Variants in ZNF154 observed in about 807,000 individuals in gnomAD.
ZNF154 encodes the protein zinc finger protein 154, also known as zinc finger protein 154 (pHZ-92).
ZNF154 carries 6 observed loss-of-function variants against 7.5 expected under a neutral mutation model. That is an observed-to-expected ratio of 0.80 (90% CI 0.44 to 1.57). The LOEUF (loss-of-function observed/expected upper bound fraction) is 1.57, where lower values mean the gene tolerates loss of function less well. Ranked by LOEUF, ZNF154 falls within the 40% of genes most tolerant of loss-of-function variation. The pLI is 0.01. For missense variants in ZNF154, 485 were observed against 531.4 expected (o/e 0.91, Z 0.86); for synonymous variants, 187 against 185.9 (o/e 1.01, Z -0.05).
chr19:57,706,969 C>T (rs920269659), intron 1 of ZNF154, among the ~76,000 whole-genome samples: 1 of 152,088 alleles, frequency 6.6e-6, no homozygotes, highest in Admixed American at 6.6e-5. Flanking sequence ...CAAAATTAGC[C>T]GGGCGTGGTG....
chr19:57,708,337 G>A (rs1358630841), intron 1 of ZNF154, among the ~76,000 whole-genome samples: 1 of 152,198 alleles, frequency 6.6e-6, no homozygotes, highest in Non-Finnish European at 1.5e-5. Flanking sequence ...GGAGGCCGAG[G>A]CAGGAGGATC....
In ZNF154 at chr19:57,697,058, GTTGT is replaced by G. The variant is rs1264058188; in HGVS notation, c.*4573_*4576del. Among the ~76,000 whole-genome samples the G allele has an allele frequency of 6.6e-6, 1 of 152,196 alleles. No individual in the cohort carries two copies. Among genetic ancestry groups the G allele is most frequent in the African/African-American group, 2.4e-5 (1 of 41,442 alleles). On this transcript the variant is annotated 3_prime_UTR_variant, in exon 3 of 3. Coordinates refer to ENST00000684351, the MANE Select transcript of ZNF154 (RefSeq NM_001085384.3). ...TCAAATTCGTATTTGAGGACTTGTT[GTTGT>G]TTATCTTGAAAACGTGTGTAATGGG...
In ZNF154 at chr19:57,701,533, T is replaced by G; in HGVS notation, c.*102A>C. ...CCCTTGTGAACTGTGTGGCACTCAATGAGATATGGCCTTCAGCTGAAGCTT... is the reference window on the plus strand; with the variant it reads ...CCCTTGTGAACTGTGTGGCACTCAAGGAGATATGGCCTTCAGCTGAAGCTT... On this transcript the variant is annotated 3_prime_UTR_variant, in exon 3 of 3. Coordinates refer to ENST00000684351, the MANE Select transcript of ZNF154 (RefSeq NM_001085384.3). The G allele has an allele frequency of 2.5e-4, 310 of 1,264,142 alleles. No homozygotes were observed. Among genetic ancestry groups the G allele is most frequent in the Non-Finnish European group, 2.9e-4 (265 of 917,030 alleles). 78.3% of individuals were successfully genotyped at this position (1,264,142 alleles called of 1,614,324 possible).
rs1418005512 is a variant in ZNF154 at position 57,697,687 on chromosome 19, T to C, written c.*3948A>G. On this transcript the variant is annotated 3_prime_UTR_variant, in exon 3 of 3. Coordinates refer to ENST00000684351, the MANE Select transcript of ZNF154 (RefSeq NM_001085384.3). ...ATAATATGATATCCGGGAGTATAAGTAAAATAACGCACTAGTACACATGAG... is the reference window on the plus strand; with the variant it reads ...ATAATATGATATCCGGGAGTATAAGCAAAATAACGCACTAGTACACATGAG... The C allele has an allele frequency of 2.0e-5, 3 of 151,810 alleles. No individual in the cohort carries two copies. Among genetic ancestry groups the C allele is most frequent in the African/African-American group, 7.3e-5 (3 of 41,286 alleles). 9.4% of individuals were successfully genotyped at this position (151,810 alleles called of 1,614,324 possible). A position where few individuals can be genotyped will look rare whatever the true frequency, so the allele number is the denominator to read the frequency against.
chr19:57,701,453 T>G lies in ZNF154; in HGVS notation c.*182A>C. 1.5e-6 allele frequency: 1 copy of G among 651,336 alleles called. No individual in the cohort carries two copies. Among genetic ancestry groups the G allele is most frequent in the Non-Finnish European group, 2.6e-6 (1 of 386,540 alleles). 40.3% of individuals were successfully genotyped at this position (651,336 alleles called of 1,614,324 possible). A position where few individuals can be genotyped will look rare whatever the true frequency, so the allele number is the denominator to read the frequency against. ...AGGCTGATGCCACCCTCATAAGGGATCTCCTTCAGAGCTGTTATATCAACT... is the reference window on the plus strand; with the variant it reads ...AGGCTGATGCCACCCTCATAAGGGAGCTCCTTCAGAGCTGTTATATCAACT... On this transcript the variant is annotated 3_prime_UTR_variant, in exon 3 of 3. Coordinates refer to ENST00000684351, the MANE Select transcript of ZNF154 (RefSeq NM_001085384.3).
chr19:57,704,771 T>G, intron 2 of ZNF154, 82 bp downstream of exon 2: 44 of 1,524,708 alleles, frequency 2.9e-5, no homozygotes, highest in Non-Finnish European at 3.4e-5. Flanking sequence ...AGTCTTGTCA[T>G]GAGAAGGACA....
In ZNF154 at chr19:57,700,946, T is replaced by C. The variant is rs954300237; in HGVS notation, c.*689A>G. Reference sequence around the variant, plus strand: ...CTGTTTTCAAACCAACCCATACATATAGAACCCCCAAGATTAATAAGGCCT... The same window carrying C: ...CTGTTTTCAAACCAACCCATACATACAGAACCCCCAAGATTAATAAGGCCT... On this transcript the variant is annotated 3_prime_UTR_variant, in exon 3 of 3. Coordinates refer to ENST00000684351, the MANE Select transcript of ZNF154 (RefSeq NM_001085384.3). 3 of 152,388 alleles carry C rather than the reference T, an allele frequency of 2.0e-5. No homozygotes were observed. Among genetic ancestry groups the C allele is most frequent in the Non-Finnish European group, 2.9e-5 (2 of 68,226 alleles). The allele number at this position is 152,388 out of a possible 1,614,324, so 9.4% of individuals were successfully genotyped here.
chr19:57,699,393 T>C lies in ZNF154; in HGVS notation c.*2242A>G. 1 of 243,484 alleles carries C rather than the reference T, an allele frequency of 4.1e-6. No individual in the cohort carries two copies. Among genetic ancestry groups the C allele is most frequent in the Admixed American group, 4.1e-5 (1 of 24,598 alleles). 15.1% of individuals were successfully genotyped at this position (243,484 alleles called of 1,614,324 possible). ...GAGCCACCGCACCCGGCTGAGATTTTCTTACTTGAGTTCCCAATGGGTCGT... is the reference window on the plus strand; with the variant it reads ...GAGCCACCGCACCCGGCTGAGATTTCCTTACTTGAGTTCCCAATGGGTCGT... On this transcript the variant is annotated 3_prime_UTR_variant, in exon 3 of 3. Transcript: ENST00000684351.
chr19:57,705,300 C>T (rs1334968217), intron 1 of ZNF154, among the ~76,000 whole-genome samples: 1 of 152,206 alleles, frequency 6.6e-6, no homozygotes, highest in Non-Finnish European at 1.5e-5. Flanking sequence ...ACCACAGCCC[C>T]AAGCCCAGGG....
At position 57,704,857 on chromosome 19, in the gene ZNF154, A is replaced by G; in HGVS notation, c.156T>C (p.Ser52=). 1 of 1,612,302 alleles carries G rather than the reference A, an allele frequency of 6.2e-7. No homozygotes were observed. ...GAAAGGGTAAAAGAACCTTACCTAG[A>G]GAGGTTAAAAGAGCCAAGTTCTCCA... ...VMLENLALLT[S]LDVHHQKQHL... is the part of the protein sequence containing the mutation. Residue 52 remains serine (S), a synonymous_variant, in exon 2 of 3, where the codon TCT becomes TCC. Coordinates refer to ENST00000684351, the MANE Select transcript of ZNF154 (RefSeq NM_001085384.3).
intron 1 of ZNF154, among the ~76,000 whole-genome samples, 185 bp downstream of exon 1, chr19:57,708,754 C>T (rs964433688): frequency 2.0e-5 from 3 of 152,168 alleles, no homozygotes; most frequent in Non-Finnish European, 4.4e-5. Flanking sequence ...TTGCACGCGC[C>T]GGTTCCTCCG....
At chr19:57,703,738 G>A (rs1044452647) in intron 2 of ZNF154, among the ~76,000 whole-genome samples, 4 of 151,952 alleles carry the variant, frequency 2.6e-5, no homozygotes, top group East Asian at 2.0e-4. Flanking sequence ...AAGGACAGGC[G>A]CAGTGGCTCA....
chr19:57,699,469 TA>T lies in ZNF154; in HGVS notation c.*2165del. 1 of 365,810 alleles carries T rather than the reference TA, an allele frequency of 2.7e-6. No individual in the cohort carries two copies. Among genetic ancestry groups the T allele is most frequent in the South Asian group, 2.1e-5 (1 of 48,596 alleles). 22.7% of individuals were successfully genotyped at this position (365,810 alleles called of 1,614,324 possible). A position where few individuals can be genotyped will look rare whatever the true frequency, so the allele number is the denominator to read the frequency against. ...TAAACACATTTGGCCCAGGAACTGC[TA>T]ACGAATGTACAGTGCAGTGGTGGTT... On this transcript the variant is annotated 3_prime_UTR_variant, in exon 3 of 3. Transcript: ENST00000684351.
At chr19:57,707,113 C>CAAAAAAAAAAAAAAAAA (rs1282058157) in intron 1 of ZNF154, among the ~76,000 whole-genome samples, 8 of 94,254 alleles carry the variant, frequency 8.5e-5, no homozygotes, top group East Asian at 2.7e-4. Context: ...CACTCCATCT[C>CAAAAAAAAAAAAAAAAA]AAAAAAAAAA....
intron 1 of ZNF154, among the ~76,000 whole-genome samples, 165 bp downstream of exon 1, chr19:57,708,774 C>T (rs1985503588): frequency 6.6e-6 from 1 of 152,304 alleles, no homozygotes; most frequent in Non-Finnish European, 1.5e-5. Flanking sequence ...GCCTGTCACG[C>T]TCTCCCACAC....
chr19:57,701,296 G>T lies in ZNF154; in HGVS notation c.*339C>A. 3.7e-6 allele frequency: 1 copy of T among 272,666 alleles called. No individual in the cohort carries two copies. Among genetic ancestry groups the T allele is most frequent in the Non-Finnish European group, 7.0e-6 (1 of 143,854 alleles). 16.9% of individuals were successfully genotyped at this position (272,666 alleles called of 1,614,324 possible). On this transcript the variant is annotated 3_prime_UTR_variant, in exon 3 of 3. Coordinates refer to ENST00000684351, the MANE Select transcript of ZNF154 (RefSeq NM_001085384.3). ...TGGTGGTCACCTGCCAGGCAGTAGA[G>T]GTAAAATGGCTTCCACTATAGTATC...
Position 57,709,135 on chromosome 19 carries a change from G to T in ZNF154, c.-164C>A. On this transcript the variant is annotated 5_prime_UTR_variant, in exon 1 of 3. Transcript: ENST00000684351. Reference sequence around the variant, plus strand: ...ACGACGACTCCCCTCACGCCTTCGTGGCCCCAACTCGGCGCTCTGCTATCT... The same window carrying T: ...ACGACGACTCCCCTCACGCCTTCGTTGCCCCAACTCGGCGCTCTGCTATCT... 1.1e-6 allele frequency: 1 copy of T among 911,724 alleles called. No homozygotes were observed. 56.5% of individuals were successfully genotyped at this position (911,724 alleles called of 1,614,324 possible).
Position 57,709,067 on chromosome 19 carries a change from C to T in ZNF154, c.-96G>A. 2.0e-6 allele frequency: 3 copies of T among 1,521,178 alleles called. No homozygotes were observed. The South Asian group carries it at 3.6e-5, about 18-fold the overall frequency. 94.2% of individuals were successfully genotyped at this position (1,521,178 alleles called of 1,614,324 possible). On this transcript the variant is annotated 5_prime_UTR_variant, in exon 1 of 3. Coordinates refer to ENST00000684351, the MANE Select transcript of ZNF154 (RefSeq NM_001085384.3). ...TATCCCAGGCCTGACGTGGGTCCCC[C>T]AGGGCGGCGTCGCCAAGGCTTAGAC... is the stretch of plus-strand genomic sequence containing the variant.
intron 2 of ZNF154, 31 bp from the exon 3 acceptor site, chr19:57,702,819 C>A (rs1437785266): frequency 2.5e-6 from 4 of 1,569,812 alleles, no homozygotes; most frequent in Admixed American, 1.7e-5. Flanking sequence ...TTCCCACATG[C>A]CCCACCTCTA....
Sources: gnomAD v4.1 joint callset for allele counts (sites outside exome capture counted in the v4.1 genomes callset) on GRCh38, gnomAD v4.1.1 for gene constraint, MANE v1.5 for transcripts, NCBI Gene and HGNC (gene_info 2026-07-23, HGNC 2026-07-21) for gene names.